Variants in HDAC9 observed in about 807,000 individuals in gnomAD.
The protein encoded by HDAC9 is MEF-2 interacting transcription repressor (MITR) protein.
In HDAC9, 41 loss-of-function variants were observed where a neutral mutation model predicts 139.4. The ratio of observed to expected loss-of-function variants is 0.29; its 90% CI spans 0.23 to 0.38. The LOEUF (loss-of-function observed/expected upper bound fraction) is 0.38. HDAC9 is among the 10% of genes least tolerant of loss of function. The pLI, the probability that HDAC9 is intolerant of heterozygous loss-of-function variation, is 1.00. For missense variants in HDAC9, 1,147 were observed against 1,297.0 expected (o/e 0.88, Z 1.78); for synonymous variants, 517 against 476.2 (o/e 1.09, Z -1.12).
rs780157976 is a variant in HDAC9 at position 18,594,038 on chromosome 7, G to C, written c.664+9G>C. On this transcript the variant is annotated intron_variant, in intron 6 of 25. Transcript: ENST00000686413. Reference sequence around the variant, plus strand: ...CCCCCTTCGAAAAACTGGTAAGTTGGTTTAACAGGAACTCTGTTTGCTCTT... The same window carrying C: ...CCCCCTTCGAAAAACTGGTAAGTTGCTTTAACAGGAACTCTGTTTGCTCTT... 15 of 1,611,850 alleles carry C rather than the reference G, an allele frequency of 9.3e-6. No homozygotes were observed. Among genetic ancestry groups the C allele is most frequent in the Non-Finnish European group, 1.3e-5 (15 of 1,178,604 alleles).
intron 1 of HDAC9, among the ~76,000 whole-genome samples, chr7:18,305,572 G>A (rs1052097945): frequency 6.6e-6 from 1 of 151,976 alleles, no homozygotes; most frequent in Non-Finnish European, 1.5e-5. Context: ...GCTAAATAAA[G>A]CATGACTCCC....
In HDAC9 at chr7:18,207,496, T is replaced by C. The variant is rs538035793; in HGVS notation, c.25+45147T>C. ...ATCGTAGCTCACAGCAGCCTTGAAC[T>C]CCTGGGCTCAAGCTGTCCTCTCACC... On this transcript the variant is annotated intron_variant, in intron 2 of 12. Coordinates refer to the HDAC9 transcript ENST00000417496. Among the ~76,000 whole-genome samples, 38 of 140,390 alleles carry C rather than the reference T, an allele frequency of 2.7e-4. No individual in the cohort carries two copies. The South Asian group carries it at 8.9e-3, about 33-fold the overall frequency. The allele number at this position is 140,390 out of a possible 152,430, so 92.1% of individuals were successfully genotyped here.
At chr7:18,232,092 A>C (rs879901353) in intron 2 of HDAC9, among the ~76,000 whole-genome samples, 1 of 152,198 alleles carries the variant, frequency 6.6e-6, no homozygotes, top group Non-Finnish European at 1.5e-5. Context: ...AGCACATATA[A>C]AATAAGCACA....
At chr7:18,907,601 C>T (rs982005109) in intron 22 of HDAC9, among the ~76,000 whole-genome samples, 1 of 152,178 alleles carries the variant, frequency 6.6e-6, no homozygotes, top group South Asian at 2.1e-4. Flanking sequence ...TGGGAAGGGC[C>T]ACAGGGCTTT....
intron 9 of HDAC9, among the ~76,000 whole-genome samples, chr7:18,646,629 A>C (rs1374453409): frequency 2.0e-5 from 3 of 152,138 alleles, no homozygotes; most frequent in Non-Finnish European, 2.9e-5. Flanking sequence ...TTTGTCCTTC[A>C]GTTTCTCCAT....
intron 1 of HDAC9, among the ~76,000 whole-genome samples, chr7:18,315,059 G>A (rs1029170917): frequency 1.6e-4 from 24 of 152,284 alleles, no homozygotes; most frequent in Admixed American, 1.4e-3. Flanking sequence ...GTTGTGATCT[G>A]ATTGTAGGTA....
intron 1 of HDAC9, among the ~76,000 whole-genome samples, chr7:18,419,241 A>T (rs1468369954): frequency 6.6e-6 from 1 of 152,232 alleles, no homozygotes; most frequent in African/African-American, 2.4e-5. Context: ...CCAATGAGAA[A>T]AAATGCCTTT....
intron 2 of HDAC9, among the ~76,000 whole-genome samples, chr7:18,173,999 G>T (rs562791550): frequency 6.8e-4 from 103 of 152,282 alleles, no homozygotes; most frequent in African/African-American, 2.2e-3. Context: ...GGCCTGTCTT[G>T]TTAGTTTGGG....
At chr7:18,792,792 C>G (rs1792441317) in intron 16 of HDAC9, among the ~76,000 whole-genome samples, 1 of 152,212 alleles carries the variant, frequency 6.6e-6, no homozygotes. Flanking sequence ...CACACTCCTT[C>G]CATTTAGTTG....
intron 1 of HDAC9, among the ~76,000 whole-genome samples, chr7:18,347,225 A>AT (rs1782486284): frequency 6.6e-6 from 1 of 152,180 alleles, no homozygotes; most frequent in Admixed American, 6.5e-5. Context: ...AGCTATGTGT[A>AT]TTTTTAAAGC....
At chr7:18,374,037 T>C (rs779652303) in intron 1 of HDAC9, among the ~76,000 whole-genome samples, 1 of 152,000 alleles carries the variant, frequency 6.6e-6, no homozygotes, top group Non-Finnish European at 1.5e-5. Flanking sequence ...AAAATGGAGT[T>C]AAAATGTCAC....
At chr7:18,910,972 T>G (rs1375545006) in intron 22 of HDAC9, among the ~76,000 whole-genome samples, 2 of 151,934 alleles carry the variant, frequency 1.3e-5, no homozygotes, top group Admixed American at 1.3e-4. Context: ...TAGAATGAGT[T>G]TGGAAGAATT....
chr7:18,920,402 A>T (rs1043041396), intron 22 of HDAC9, among the ~76,000 whole-genome samples: 2 of 152,106 alleles, frequency 1.3e-5, no homozygotes, highest in Non-Finnish European at 2.9e-5. Flanking sequence ...GGCTGAGACA[A>T]TGGGGTTTTC....
chr7:18,872,864 A>T (rs1374879519), intron 21 of HDAC9, among the ~76,000 whole-genome samples: 1 of 152,146 alleles, frequency 6.6e-6, no homozygotes, highest in Non-Finnish European at 1.5e-5. Context: ...AAAGAGATGG[A>T]AAATTGATTA....
In HDAC9 at chr7:18,666,375, C is replaced by G. The variant is rs1183317896; in HGVS notation, c.1630C>G (p.Gln544Glu). 4 of 1,613,152 alleles carry G rather than the reference C, an allele frequency of 2.5e-6. No individual in the cohort carries two copies. In the South Asian group the frequency reaches 4.4e-5, roughly 18 times the overall value. Residue 544 changes from glutamine (Q) to glutamate (E), a missense_variant, in exon 12 of 26, where the codon CAA (glutamine) becomes GAA (glutamate). Coordinates refer to ENST00000686413, the MANE Select transcript of HDAC9 (RefSeq NM_178425.4). ...SSACVDDTLG[Q>E]VGAVKVKEEP... ...TGCTTGTGTGGATGACACACTGGGA[C>G]AAGTTGGGGCTGTGAAGGTCAAGGA...
intron 22 of HDAC9, among the ~76,000 whole-genome samples, chr7:18,904,716 C>G (rs571426610): frequency 2.9e-3 from 445 of 151,034 alleles, no homozygotes; most frequent in Non-Finnish European, 5.2e-3. Context: ...GCTGGGACTA[C>G]AGGCAACCGC....
chr7:18,920,705 C>T (rs956655787), intron 22 of HDAC9, among the ~76,000 whole-genome samples: 10 of 151,894 alleles, frequency 6.6e-5, no homozygotes, highest in Admixed American at 5.3e-4. Flanking sequence ...TAGCATGAAG[C>T]GTTGTTGAAT....
intron 23 of HDAC9, among the ~76,000 whole-genome samples, chr7:18,953,433 G>A (rs2853558): frequency 0.019 from 2,863 of 152,178 alleles, 90 homozygotes; most frequent in African/African-American, 0.062. Context: ...ATTATTTAAA[G>A]CTTCTCTTCA....
chr7:18,286,003 A>T (rs148549510), upstream of HDAC9, among the ~76,000 whole-genome samples: 3 of 152,228 alleles, frequency 2.0e-5, no homozygotes, highest in South Asian at 6.2e-4. Context: ...GAGTTCCCCA[A>T]CAATGTTGAA....
Sources: allele counts gnomAD v4.1 joint callset (sites outside exome capture counted in the v4.1 genomes callset), GRCh38; gene constraint gnomAD v4.1.1; transcripts MANE v1.5; gene names NCBI Gene and HGNC (gene_info 2026-07-23, HGNC 2026-07-21).